MTUS1: variants seen among roughly 807,000 people sequenced by gnomAD.
MTUS1 encodes microtubule-associated tumor suppressor 1.
MTUS1 carries 109 observed loss-of-function variants against 120.8 expected under a neutral mutation model. That is an observed-to-expected ratio of 0.90 (90% confidence interval 0.77 to 1.06). The LOEUF (loss-of-function observed/expected upper bound fraction) is 1.06, where lower values mean the gene tolerates loss of function less well. Among genes scored for constraint, MTUS1 ranks in the 50% least tolerant of loss-of-function variants. The pLI, the probability that MTUS1 is intolerant of heterozygous loss-of-function variation, is 0.00. For synonymous variants in MTUS1, 737 were observed against 550.5 expected (o/e 1.34, Z -4.74); for missense variants, 2,210 against 1,486.3 (o/e 1.49, Z -8.01).
At chr8:17,727,148 A>C (rs1425930846) in intron 3 of MTUS1, among the ~76,000 whole-genome samples, 2 of 152,190 alleles carry the variant, frequency 1.3e-5, no homozygotes, top group African/African-American at 4.8e-5. Context: ...AAGTCTTCCC[A>C]ATTCCACCAT....
At chr8:17,782,412 A>C (rs1340178186) in intron 1 of MTUS1, among the ~76,000 whole-genome samples, 3 of 152,178 alleles carry the variant, frequency 2.0e-5, no homozygotes, top group Non-Finnish European at 4.4e-5. Flanking sequence ...AAAACTATAC[A>C]TTATCTTCTG....
chr8:17,666,251 G>A (rs1181837795), intron 8 of MTUS1, among the ~76,000 whole-genome samples: 2 of 150,200 alleles, frequency 1.3e-5, no homozygotes, highest in African/African-American at 2.5e-5. Flanking sequence ...TGACTTTAAA[G>A]GAATCCTGTT....
chr8:17,749,172 A>G (rs1240260415), intron 2 of MTUS1, among the ~76,000 whole-genome samples: 1 of 152,160 alleles, frequency 6.6e-6, no homozygotes, highest in Non-Finnish European at 1.5e-5. Context: ...TAACATCAAC[A>G]AAGACCTTAA....
intron 6 of MTUS1, among the ~76,000 whole-genome samples, chr8:17,711,438 T>C (rs981885001): frequency 1.3e-5 from 2 of 148,874 alleles, no homozygotes; most frequent in Non-Finnish European, 3.0e-5. Flanking sequence ...TGAACCAACC[T>C]CTGCTAGCTT....
chr8:17,772,810 A>G (rs1426178966), intron 1 of MTUS1, among the ~76,000 whole-genome samples: 1 of 152,212 alleles, frequency 6.6e-6, no homozygotes, highest in Non-Finnish European at 1.5e-5. Context: ...CCTGTAATTC[A>G]GCACCAAAAA....
chr8:17,717,722 G>A (rs536824938), intron 4 of MTUS1, among the ~76,000 whole-genome samples: 61 of 152,060 alleles, frequency 4.0e-4, no homozygotes, highest in Non-Finnish European at 8.1e-4. Context: ...CTTCATGAGG[G>A]ATGGTACTCC....
intron 8 of MTUS1, among the ~76,000 whole-genome samples, chr8:17,669,080 A>T (rs1211559647): frequency 6.6e-6 from 1 of 152,348 alleles, no homozygotes; most frequent in South Asian, 2.1e-4. Context: ...TTAAGGAGCT[A>T]TTGGCCTTGC....
At chr8:17,686,966 CA>C (rs1241153395) in intron 6 of MTUS1, among the ~76,000 whole-genome samples, 1 of 152,062 alleles carries the variant, frequency 6.6e-6, no homozygotes, top group African/African-American at 2.4e-5. Context: ...CGAGGACATA[CA>C]TTTTTTATAT....
intron 3 of MTUS1, among the ~76,000 whole-genome samples, chr8:17,732,814 T>C (rs1357941820): frequency 6.6e-6 from 1 of 152,100 alleles, no homozygotes; most frequent in Non-Finnish European, 1.5e-5. Context: ...CAATCCAATC[T>C]AAGCAAACCT....
In MTUS1 at chr8:17,687,612, T is replaced by C. The variant is rs895937927; in HGVS notation, c.2624-3070A>G. 2.0e-5 allele frequency among the ~76,000 whole-genome samples: 3 copies of C among 152,174 alleles called. No individual in the cohort carries two copies. The South Asian group carries it at 6.2e-4, about 32-fold the overall frequency. On this transcript the variant is annotated intron_variant, in intron 6 of 14. Coordinates refer to ENST00000693296, the MANE Select transcript of MTUS1 (RefSeq NM_001363059.2). Reference sequence around the variant, plus strand: ...GCCAATTTAATCAGAAACCTTAAAATTAAACGTCAACTTCTATATCGATTC... The same window carrying C: ...GCCAATTTAATCAGAAACCTTAAAACTAAACGTCAACTTCTATATCGATTC...
chr8:17,678,588 C>G (rs1813599661), intron 7 of MTUS1, among the ~76,000 whole-genome samples: 1 of 152,102 alleles, frequency 6.6e-6, no homozygotes, highest in African/African-American at 2.4e-5. Flanking sequence ...ATAGCCACAT[C>G]AGATGGCTCA....
At chr8:17,715,662 C>A in intron 5 of MTUS1, 105 bp downstream of exon 5, 1 of 1,140,616 alleles carries the variant, frequency 8.8e-7, no homozygotes, top group Non-Finnish European at 1.2e-6. Flanking sequence ...TATTTGTAAT[C>A]ATTGTTGACT....
intron 12 of MTUS1, among the ~76,000 whole-genome samples, chr8:17,650,610 T>G (rs1209161430): frequency 1.3e-5 from 2 of 152,174 alleles, no homozygotes; most frequent in East Asian, 3.9e-4. Context: ...CTCAGGAGGC[T>G]GAGGCGGGAG....
At chr8:17,722,269 G>C in intron 4 of MTUS1, 2 of 989,998 alleles carry the variant, frequency 2.0e-6, no homozygotes, top group Non-Finnish European at 2.4e-6. Context: ...ACACGGGGCT[G>C]TGGCACTACA....
intron 8 of MTUS1, among the ~76,000 whole-genome samples, chr8:17,657,262 T>C (rs1377121517): frequency 1.3e-5 from 2 of 151,798 alleles, no homozygotes; most frequent in African/African-American, 4.8e-5. Context: ...GTTTGTGCTA[T>C]AATTCAAGTA....
chr8:17,662,606 A>C (rs1285236470), intron 8 of MTUS1, among the ~76,000 whole-genome samples: 1 of 151,946 alleles, frequency 6.6e-6, no homozygotes, highest in African/African-American at 2.4e-5. Flanking sequence ...CGCCCACCTC[A>C]GCATCCCAAA....
intron 1 of MTUS1, among the ~76,000 whole-genome samples, chr8:17,785,926 A>G (rs2051265890): frequency 6.6e-6 from 1 of 152,172 alleles, no homozygotes; most frequent in Non-Finnish European, 1.5e-5. Flanking sequence ...AAGAGAATCT[A>G]TTGAACCCAG....
At chr8:17,693,328 C>G (rs934361542) in intron 6 of MTUS1, 1 of 152,184 alleles carries the variant, frequency 6.6e-6, no homozygotes, top group African/African-American at 2.4e-5. Context: ...ACATCACGCA[C>G]AGTTCCTGAC....
At position 17,723,847 on chromosome 8, in the gene MTUS1, A is replaced by G. The variant is rs752864014; in HGVS notation, c.2288-14T>C. 4 of 1,538,034 alleles carry G rather than the reference A, an allele frequency of 2.6e-6. No homozygotes were observed. Among genetic ancestry groups the G allele is most frequent in the South Asian group, 1.2e-5 (1 of 80,162 alleles). On this transcript the variant is annotated splice_polypyrimidine_tract_variant and intron_variant, in intron 3 of 14. Coordinates refer to ENST00000693296, the MANE Select transcript of MTUS1 (RefSeq NM_001363059.2). ...ATGTAGGCTTTCCTTGGGGTTTAAA[A>G]AAAACAAAAAGTTTCCAGTGCTATT...
Sources: allele counts gnomAD v4.1 joint callset (sites outside exome capture counted in the v4.1 genomes callset), GRCh38; gene constraint gnomAD v4.1.1; transcripts MANE v1.5; gene names NCBI Gene and HGNC (gene_info 2026-07-23, HGNC 2026-07-21).